The following REPS1 variants were observed in gnomAD, a reference collection of about 807,000 sequenced individuals.
The protein encoded by REPS1 is ralBP1-associated Eps domain-containing protein 1.
REPS1 carries 39 observed loss-of-function variants against 100.9 expected under a neutral mutation model. The observed-to-expected ratio is 0.39, with a 90% confidence interval of 0.30 to 0.50. The LOEUF (loss-of-function observed/expected upper bound fraction) is 0.50. Among genes scored for constraint, REPS1 ranks in the 20% least tolerant of loss-of-function variants. The pLI is 0.86. For missense variants in REPS1, 821 were observed against 968.5 expected, an observed-to-expected ratio of 0.85 and a Z score of 2.02; for synonymous variants, 324 against 340.3, an observed-to-expected ratio of 0.95 and a Z score of 0.53.
intron 1 of REPS1, among the ~76,000 whole-genome samples, chr6:138,965,777 T>G (rs1252801502): frequency 6.6e-6 from 1 of 152,168 alleles, no homozygotes; most frequent in African/African-American, 2.4e-5. Flanking sequence ...ACATGCCACA[T>G]AAAATATTAA....
At chr6:138,917,673 T>C in intron 12 of REPS1, 46 bp from the exon 13 acceptor site, 1 of 1,509,586 alleles carries the variant, frequency 6.6e-7, no homozygotes, top group Middle Eastern at 1.8e-4. Flanking sequence ...ATTTCTTTAC[T>C]TTTTGCTCTA....
intron 8 of REPS1, among the ~76,000 whole-genome samples, chr6:138,941,075 A>T (rs1292538220): frequency 6.6e-6 from 1 of 152,242 alleles, no homozygotes; most frequent in African/African-American, 2.4e-5. Flanking sequence ...AGACACTGAA[A>T]TGCTCTTCAA....
At chr6:138,979,189 A>C (rs1269274260) in intron 1 of REPS1, among the ~76,000 whole-genome samples, 31 of 148,482 alleles carry the variant, frequency 2.1e-4, no homozygotes, top group Non-Finnish European at 1.5e-5. Context: ...ACAAAAAAAA[A>C]AAAAAAAACA....
rs1314246958 is a variant in REPS1, at chr6:138,947,563, T to C, written c.277+227A>G. Among the ~76,000 whole-genome samples the C allele has an allele frequency of 2.6e-5, 4 of 152,274 alleles. No individual in the cohort carries two copies. The South Asian group carries it at 8.3e-4, about 32-fold the overall frequency. On this transcript the variant is annotated intron_variant, in intron 2 of 19. Coordinates refer to ENST00000450536, the MANE Select transcript of REPS1 (RefSeq NM_001286611.2). ...AAAATTGCCATTTGAACAGTACATA[T>C]AGTCAAATACAGATGAAGTACATAT...
chr6:138,970,967 A>G (rs1784311484), intron 1 of REPS1, among the ~76,000 whole-genome samples: 1 of 152,244 alleles, frequency 6.6e-6, no homozygotes, highest in African/African-American at 2.4e-5. Flanking sequence ...AAAAAGGAAC[A>G]TTATGTAGAA....
At chr6:138,964,176 A>G (rs139207826) in intron 1 of REPS1, among the ~76,000 whole-genome samples, 2 of 152,020 alleles carry the variant, frequency 1.3e-5, no homozygotes, top group African/African-American at 2.4e-5. Context: ...CCATGATTTT[A>G]TCTTAACACT....
intron 7 of REPS1, among the ~76,000 whole-genome samples, chr6:138,942,803 G>A (rs983464165): frequency 1.3e-5 from 2 of 152,058 alleles, no homozygotes; most frequent in African/African-American, 4.8e-5. Context: ...CACCCTGGCT[G>A]GAGTGAAATG....
chr6:138,961,608 A>C (rs1441105284), intron 1 of REPS1, among the ~76,000 whole-genome samples: 1 of 152,218 alleles, frequency 6.6e-6, no homozygotes, highest in Non-Finnish European at 1.5e-5. Context: ...TAAGAAACCG[A>C]AAGTTTTATC....
At chr6:138,956,473 GCAAA>G (rs767661477) in intron 1 of REPS1, among the ~76,000 whole-genome samples, 97 of 151,656 alleles carry the variant, frequency 6.4e-4, no homozygotes, top group Non-Finnish European at 1.0e-3. Context: ...CCAAACAAAA[GCAAA>G]CAAACAAGCA....
chr6:138,919,597 C>T (rs1373499963), intron 12 of REPS1, among the ~76,000 whole-genome samples: 1 of 152,202 alleles, frequency 6.6e-6, no homozygotes, highest in East Asian at 1.9e-4. Context: ...CAGGTCCTGC[C>T]TTAGGGCTCT....
Position 138,921,015 on chromosome 6 carries a change from AAACCAGC to A in REPS1, c.1426+15_1426+21del. On this transcript the variant is annotated intron_variant, in intron 11 of 19. Coordinates refer to ENST00000450536, the MANE Select transcript of REPS1 (RefSeq NM_001286611.2). ...TCAGTTTGATGTAAAACTAAAATAC[AAACCAGC>A]AACAGCTTCCTTACCGCTGCCAGTT... 1 of 1,567,152 alleles carries A rather than the reference AAACCAGC, an allele frequency of 6.4e-7. No individual in the cohort carries two copies. Among genetic ancestry groups the A allele is most frequent in the East Asian group, 2.2e-5 (1 of 44,624 alleles).
intron 10 of REPS1, among the ~76,000 whole-genome samples, chr6:138,925,010 G>T (rs1781007798): frequency 6.6e-6 from 1 of 152,080 alleles, no homozygotes; most frequent in Non-Finnish European, 1.5e-5. Context: ...TTCAATAAAT[G>T]TAACAGCAGC....
chr6:138,941,619 A>ATCTTTCTGTGTATGG, intron 7 of REPS1, 130 bp from the exon 8 acceptor site: 1 of 853,688 alleles, frequency 1.2e-6, no homozygotes. Context: ...TCCCATACAC[A>ATCTTTCTGTGTATGG]GAAAGATGTG....
intron 1 of REPS1, among the ~76,000 whole-genome samples, chr6:138,959,170 T>C (rs1325151997): frequency 6.6e-6 from 1 of 152,178 alleles, no homozygotes; most frequent in East Asian, 1.9e-4. Flanking sequence ...TTTTCCACAT[T>C]GCTTAGCACA....
At chr6:138,914,860 T>C (rs1337660704) in intron 14 of REPS1, 99 bp from the exon 15 acceptor site, 4 of 1,055,806 alleles carry the variant, frequency 3.8e-6, no homozygotes, top group Non-Finnish European at 5.6e-6. Flanking sequence ...TAAAGATTTC[T>C]AAGAATGTTT....
intron 1 of REPS1, among the ~76,000 whole-genome samples, chr6:138,983,577 C>T (rs1302185710): frequency 2.0e-5 from 3 of 152,188 alleles, no homozygotes; most frequent in Non-Finnish European, 4.4e-5. Context: ...AATAGGCACT[C>T]GATAAATGCC....
intron 1 of REPS1, among the ~76,000 whole-genome samples, chr6:138,981,100 T>C (rs1784924649): frequency 6.6e-6 from 1 of 152,208 alleles, no homozygotes; most frequent in South Asian, 2.1e-4. Flanking sequence ...ACAAATTAAG[T>C]GCAAAATTCT....
At chr6:138,985,488 T>C (rs991656552) in intron 1 of REPS1, among the ~76,000 whole-genome samples, 1 of 152,224 alleles carries the variant, frequency 6.6e-6, no homozygotes, top group African/African-American at 2.4e-5. Flanking sequence ...AATGGAGGAC[T>C]GTGTTTTCAG....
At chr6:138,962,525 T>A (rs533059114) in intron 1 of REPS1, among the ~76,000 whole-genome samples, 33 of 152,182 alleles carry the variant, frequency 2.2e-4, no homozygotes, top group Non-Finnish European at 4.3e-4. Context: ...AAATACATTA[T>A]CTCATCCTTC....
Sources: allele counts gnomAD v4.1 joint callset (sites outside exome capture counted in the v4.1 genomes callset), GRCh38; gene constraint gnomAD v4.1.1; transcripts MANE v1.5; gene names NCBI Gene and HGNC (gene_info 2026-07-23, HGNC 2026-07-21).